The following MTR variants were observed in gnomAD, a reference collection of about 807,000 sequenced individuals.
MTR encodes methionine synthase.
A neutral mutation model predicts 154.8 loss-of-function variants in MTR; 84 were observed. The observed-to-expected ratio is 0.54, with a 90% CI of 0.45 to 0.65. MTR has a LOEUF of 0.65. Among genes scored for constraint, MTR ranks in the 30% least tolerant of loss-of-function variants. The probability of loss-of-function intolerance (pLI) is 0.00; values close to 1 mark genes in which losing one functional copy is unlikely to be tolerated. For missense variants in MTR, 1,275 were observed against 1,570.2 expected, an observed-to-expected ratio of 0.81 and a Z score of 3.18; for synonymous variants, 554 against 553.9, an observed-to-expected ratio of 1.00 and a Z score of 0.00.
intron 29 of MTR, among the ~76,000 whole-genome samples, chr1:236,893,120 C>G (rs76406839): frequency 0.059 from 8,899 of 151,914 alleles, 849 homozygotes; most frequent in African/African-American, 0.2. Flanking sequence ...GCTCTGTGAT[C>G]TCTCTCTCCT....
intron 15 of MTR, among the ~76,000 whole-genome samples, chr1:236,850,098 G>C (rs1422349003): frequency 6.6e-6 from 1 of 152,134 alleles, no homozygotes; most frequent in Admixed American, 6.5e-5. Context: ...AACACAAAGA[G>C]ATCTTTAAAC....
chr1:236,810,461 C>A, intron 4 of MTR, 42 bp from the exon 5 acceptor site: 1 of 1,506,508 alleles, frequency 6.6e-7, no homozygotes, highest in South Asian at 1.1e-5. Flanking sequence ...AAAAAATGTT[C>A]AGCCACTTAG....
At chr1:236,824,307 C>A in intron 9 of MTR, 88 bp downstream of exon 9, 2 of 1,145,696 alleles carry the variant, frequency 1.7e-6, no homozygotes, top group Non-Finnish European at 2.7e-6. Flanking sequence ...AATAAAAGAT[C>A]TTGTTTTGCC....
intron 30 of MTR, 26 bp downstream of exon 30, chr1:236,894,583 G>A: frequency 6.2e-7 from 1 of 1,613,322 alleles, no homozygotes; most frequent in Middle Eastern, 1.7e-4. Context: ...TGCGCCGAGG[G>A]GCTGAGGACA....
At chr1:236,873,572 T>C (rs1665258415) in intron 22 of MTR, among the ~76,000 whole-genome samples, 1 of 152,230 alleles carries the variant, frequency 6.6e-6, no homozygotes, top group Non-Finnish European at 1.5e-5. Flanking sequence ...AAAAGCAAGC[T>C]TAGCATAGTG....
intron 20 of MTR, 73 bp from the exon 21 acceptor site, chr1:236,862,163 A>G (rs1249227855): frequency 4.7e-6 from 6 of 1,285,826 alleles, no homozygotes; most frequent in African/African-American, 4.4e-5. Flanking sequence ...TGTGTGCCCA[A>G]ATTTCACAAG....
chr1:236,842,041 G>A (rs1316259583), intron 15 of MTR, among the ~76,000 whole-genome samples: 7 of 151,996 alleles, frequency 4.6e-5, no homozygotes, highest in South Asian at 2.1e-4. Flanking sequence ...ACAGGCACCC[G>A]CCACCTTACT....
At chr1:236,863,805 A>G (rs1664684026) in intron 22 of MTR, among the ~76,000 whole-genome samples, 1 of 152,218 alleles carries the variant, frequency 6.6e-6, no homozygotes, top group African/African-American at 2.4e-5. Flanking sequence ...GTGGGGTGGA[A>G]ACCGTCCAGA....
At chr1:236,855,068 C>T (rs1375916295) in intron 18 of MTR, among the ~76,000 whole-genome samples, 3 of 152,196 alleles carry the variant, frequency 2.0e-5, no homozygotes, top group African/African-American at 7.2e-5. Context: ...CCTCTAATAA[C>T]TCTTGGGAGT....
intron 24 of MTR, among the ~76,000 whole-genome samples, chr1:236,875,872 T>C (rs912283219): frequency 1.3e-5 from 2 of 152,176 alleles, no homozygotes; most frequent in South Asian, 4.1e-4. Flanking sequence ...AATTAACTCC[T>C]GTGATTGTGG....
rs1442027851 is a variant in MTR, at chr1:236,795,323, GTC to G, written c.-379_-378del. 12 of 1,274,084 alleles carry G rather than the reference GTC, an allele frequency of 9.4e-6. No homozygotes were observed. Among genetic ancestry groups the G allele is most frequent in the Middle Eastern group, 4.3e-4 (2 of 4,644 alleles). The allele number at this position is 1,274,084 out of a possible 1,614,324, so 78.9% of individuals were successfully genotyped here. A position where few individuals can be genotyped will look rare whatever the true frequency, so the allele number is the denominator to read the frequency against. On this transcript the variant is annotated 5_prime_UTR_variant, in exon 1 of 33. An upstream open reading frame in the 5' UTR gains an earlier in-frame stop. Transcript: ENST00000366577. Reference sequence around the variant, plus strand: ...AACCGCGCTCTGAAAGGTTCTAAATGTCTGCGGGGCTCAGAGCCGGATGTCAC... The same window carrying G: ...AACCGCGCTCTGAAAGGTTCTAAATGTGCGGGGCTCAGAGCCGGATGTCAC...
chr1:236,860,048 C>T, intron 19 of MTR, 126 bp downstream of exon 19: 2 of 511,400 alleles, frequency 3.9e-6, no homozygotes, highest in Non-Finnish European at 7.0e-6. Flanking sequence ...CTGGGGAGGT[C>T]CCTCTTGCTG....
At chr1:236,831,918 C>A in intron 12 of MTR, 48 bp from the exon 13 acceptor site, 1 of 1,297,092 alleles carries the variant, frequency 7.7e-7, no homozygotes, top group Non-Finnish European at 1.1e-6. Flanking sequence ...TGTCTCATGT[C>A]ATCCATATGC....
chr1:236,895,003 T>G (rs1666543218), intron 30 of MTR: 1 of 376,756 alleles, frequency 2.7e-6, no homozygotes, highest in Non-Finnish European at 5.0e-6. Context: ...CTCTCCCTTT[T>G]CCTGCAGTGA....
At chr1:236,875,899 A>G (rs1665405950) in intron 24 of MTR, among the ~76,000 whole-genome samples, 1 of 152,170 alleles carries the variant, frequency 6.6e-6, no homozygotes, top group African/African-American at 2.4e-5. Context: ...GCAAGACTGA[A>G]ATCTGCAGGC....
chr1:236,882,204 C>G (rs1665773919), intron 25 of MTR, among the ~76,000 whole-genome samples: 1 of 152,152 alleles, frequency 6.6e-6, no homozygotes, highest in African/African-American at 2.4e-5. Context: ...AGGTCCATGG[C>G]TGAGTGCTGT....
intron 1 of MTR, chr1:236,800,583 T>C (rs1660649476): frequency 1.3e-6 from 1 of 743,076 alleles, no homozygotes; most frequent in Non-Finnish European, 1.6e-6. Flanking sequence ...TAGAAGACAT[T>C]TCCCAACCTG....
At chr1:236,867,587 G>C (rs1246036367) in intron 22 of MTR, among the ~76,000 whole-genome samples, 2 of 152,186 alleles carry the variant, frequency 1.3e-5, no homozygotes, top group Non-Finnish European at 2.9e-5. Flanking sequence ...CATAGATAGT[G>C]ATGGATCTGG....
chr1:236,829,143 A>G (rs780410655), intron 11 of MTR, 46 bp from the exon 12 acceptor site: 75 of 1,412,302 alleles, frequency 5.3e-5, no homozygotes, highest in Non-Finnish European at 7.1e-5. Context: ...CATTAAATAT[A>G]TTTTATTCTG....
Sources: allele counts gnomAD v4.1 joint callset (sites outside exome capture counted in the v4.1 genomes callset), GRCh38; gene constraint gnomAD v4.1.1; transcripts MANE v1.5; gene names NCBI Gene and HGNC (gene_info 2026-07-23, HGNC 2026-07-21).